TNRC18: variants seen among roughly 807,000 people sequenced by gnomAD.
TNRC18 encodes trinucleotide repeat containing 18, also known as trinucleotide repeat-containing gene 18 protein.
A neutral mutation model predicts 226.7 loss-of-function variants in TNRC18; 69 were observed. The ratio of observed to expected loss-of-function variants is 0.30; its 90% CI spans 0.25 to 0.37. The LOEUF is 0.37. TNRC18 is among the 10% of genes least tolerant of loss of function. The probability of loss-of-function intolerance (pLI) is 1.00; values close to 1 mark genes in which losing one functional copy is unlikely to be tolerated. For missense variants in TNRC18, 4,754 were observed against 4,256.6 expected (o/e 1.12, Z -3.25); for synonymous variants, 2,449 against 1,927.6 (o/e 1.27, Z -7.09).
chr7:5,421,595 TC>T (rs1463387688), intron 1 of TNRC18, 106 bp from the exon 2 acceptor site: 1 of 152,094 alleles, frequency 6.6e-6, no homozygotes, highest in African/African-American at 2.4e-5. Flanking sequence ...CCCTTCAGGA[TC>T]GGGGGGTGCC....
rs1265915731 is a variant in TNRC18 at position 5,306,997 on chromosome 7, T to G, written c.*1109A>C. On this transcript the variant is annotated 3_prime_UTR_variant, in exon 30 of 30. Coordinates refer to ENST00000430969, the MANE Select transcript of TNRC18 (RefSeq NM_001080495.3). ...AAGGCTTGGGGCCTGGTTAAGTGCT[T>G]TCTGGGGCCCAAGCAGGGACCCTGG... is the stretch of plus-strand genomic sequence containing the variant. 6.6e-6 allele frequency: 1 copy of G among 151,158 alleles called. No individual in the cohort carries two copies. The highest frequency in any genetic ancestry group is 2.1e-4 in the South Asian group (1 of 4,806). 9.4% of individuals were successfully genotyped at this position (151,158 alleles called of 1,614,324 possible).
Position 5,320,811 on chromosome 7 carries a change from C to A in TNRC18, c.6561-204G>T, listed in dbSNP as rs73673114. 80,790 of 622,176 alleles carry A rather than the reference C, an allele frequency of 0.13. 5,734 individuals are homozygous for A. The highest frequency in any genetic ancestry group is 0.18 in the African/African-American group (9,646 of 54,374). The allele number at this position is 622,176 out of a possible 1,614,324, so 38.5% of individuals were successfully genotyped here. A position where few individuals can be genotyped will look rare whatever the true frequency, so the allele number is the denominator to read the frequency against. The stretch of plus-strand genomic sequence containing the variant: ...AGGACTAGGGGTTGCAAGGCACAGT[C>A]CAGATCCTGAGAGAGGCCAGCACGC... On this transcript the variant is annotated intron_variant, in intron 22 of 29. Transcript: ENST00000430969.
Position 5,390,711 on chromosome 7 carries a change from A to G in TNRC18, c.344-83T>C, listed in dbSNP as rs1780230475. ...TCCTTCCAGCTCCTGGAAATAAACT[A>G]TTTTGGCAGCCGACCGCTGGTACAG... On this transcript the variant is annotated intron_variant, in intron 3 of 29. Transcript: ENST00000430969. 8.4e-6 allele frequency: 12 copies of G among 1,422,016 alleles called. No homozygotes were observed. The South Asian group carries it at 1.9e-4, about 23-fold the overall frequency. 88.1% of individuals were successfully genotyped at this position (1,422,016 alleles called of 1,614,324 possible).
At chr7:5,334,356 G>A (rs1389761297) in intron 18 of TNRC18, among the ~76,000 whole-genome samples, 1 of 151,968 alleles carries the variant, frequency 6.6e-6, no homozygotes, top group African/African-American at 2.4e-5. Flanking sequence ...GAGTGCAGTG[G>A]CGTGATCTCG....
chr7:5,396,493 C>T (rs1780701131), intron 2 of TNRC18, among the ~76,000 whole-genome samples: 1 of 152,194 alleles, frequency 6.6e-6, no homozygotes, highest in African/African-American at 2.4e-5. Flanking sequence ...TACAACACTG[C>T]ACTCCAATCC....
intron 18 of TNRC18, among the ~76,000 whole-genome samples, chr7:5,343,995 C>A (rs1287539810): frequency 6.6e-6 from 1 of 152,178 alleles, no homozygotes; most frequent in Non-Finnish European, 1.5e-5. Context: ...TCTAGCCAGA[C>A]TGGCCAAGAA....
At chr7:5,356,361 C>T (rs1792373607) in intron 16 of TNRC18, among the ~76,000 whole-genome samples, 2 of 152,154 alleles carry the variant, frequency 1.3e-5, no homozygotes, top group South Asian at 4.2e-4. Flanking sequence ...TCAGAGCTGC[C>T]ACAGACACAG....
Position 5,324,509 on chromosome 7 carries a change from C to G in TNRC18, c.6301-154G>C, listed in dbSNP as rs1361437310. Among the ~76,000 whole-genome samples the G allele has an allele frequency of 2.0e-5, 3 of 152,140 alleles. No homozygotes were observed. Among genetic ancestry groups the G allele is most frequent in the African/African-American group, 7.2e-5 (3 of 41,420 alleles). ...ATCCCAGTTAGGGGCACCCCAGAGGCCAGGGGGAAGGTGAAATGGGCCCAA... is the reference window on the plus strand; with the variant it reads ...ATCCCAGTTAGGGGCACCCCAGAGGGCAGGGGGAAGGTGAAATGGGCCCAA... On this transcript the variant is annotated intron_variant, in intron 20 of 29. Transcript: ENST00000430969. This position sits in a 1 kb window ranked among gnomAD's most constrained non-coding sequence, Gnocchi z 4.8.
chr7:5,406,800 G>A (rs541811744), intron 2 of TNRC18, among the ~76,000 whole-genome samples: 25 of 150,068 alleles, frequency 1.7e-4, no homozygotes, highest in African/African-American at 5.9e-4. Context: ...GCAGTGAGCC[G>A]AGATTGTACC....
chr7:5,400,069 C>A (rs140685336), intron 2 of TNRC18, among the ~76,000 whole-genome samples: 1 of 148,278 alleles, frequency 6.7e-6, no homozygotes, highest in Non-Finnish European at 1.5e-5. Context: ...TTTATTTTTT[C>A]TTTTTCGTAG....
chr7:5,331,587 G>A (rs1040498232), intron 19 of TNRC18, among the ~76,000 whole-genome samples: 4 of 152,148 alleles, frequency 2.6e-5, no homozygotes, highest in African/African-American at 9.7e-5. Context: ...GCACACAATA[G>A]TTACTCCAGG....
At chr7:5,395,650 C>A (rs146029967) in intron 2 of TNRC18, among the ~76,000 whole-genome samples, 1 of 152,352 alleles carries the variant, frequency 6.6e-6, no homozygotes, top group East Asian at 1.9e-4. Context: ...GATAAACATG[C>A]CTCCCTTCGG....
In TNRC18 at chr7:5,357,044, T is replaced by A. The variant is rs765675043; in HGVS notation, c.5066A>T (p.Lys1689Ile). 1 of 1,552,266 alleles carries A rather than the reference T, an allele frequency of 6.4e-7. No homozygotes were observed. Among genetic ancestry groups the A allele is most frequent in the Non-Finnish European group, 8.7e-7 (1 of 1,147,132 alleles). ...TTTGTGTTTACCTTCTCTGGAGGATTTCAGAGACAGGCCGAGGCCCTTGGC... is the reference window on the plus strand; with the variant it reads ...TTTGTGTTTACCTTCTCTGGAGGATATCAGAGACAGGCCGAGGCCCTTGGC... ...ALAKGLGLSL[K>I]SSREGKHKRA... Residue 1689 changes from lysine to isoleucine, a missense_variant, in exon 16 of 30, where the codon AAA (lysine) becomes ATA (isoleucine). By Grantham distance (102) the Lys-to-Ile change is moderately radical. Transcript: ENST00000430969.
chr7:5,311,063 T>A (rs1477832550), intron 27 of TNRC18, among the ~76,000 whole-genome samples: 7 of 152,260 alleles, frequency 4.6e-5, no homozygotes, highest in Non-Finnish European at 8.8e-5. Context: ...TGTAGTGTAT[T>A]TGCATATGTG....
chr7:5,417,174 AG>A (rs1347552415), intron 2 of TNRC18, among the ~76,000 whole-genome samples: 1 of 147,362 alleles, frequency 6.8e-6, no homozygotes, highest in Non-Finnish European at 1.5e-5. Flanking sequence ...AAAAATTTTA[AG>A]TAACAAAATC....
At chr7:5,399,624 T>G (rs928094062) in intron 2 of TNRC18, among the ~76,000 whole-genome samples, 5 of 151,688 alleles carry the variant, frequency 3.3e-5, no homozygotes, top group Non-Finnish European at 7.4e-5. Flanking sequence ...GGGAATTGCT[T>G]GAACCCAGGA....
chr7:5,375,420 AC>A (rs1419583544), intron 9 of TNRC18, among the ~76,000 whole-genome samples: 1 of 152,228 alleles, frequency 6.6e-6, no homozygotes, highest in African/African-American at 2.4e-5. Flanking sequence ...GGACTAGGCA[AC>A]GCTAGCATCT....
In TNRC18 at chr7:5,313,366, C is replaced by A. The variant is rs555208033; in HGVS notation, c.7525G>T (p.Gly2509Cys). The stretch of plus-strand genomic sequence containing the variant: ...CAGGGTGCCTTGGGCTCGCTGCTGC[C>A]GGCCGCGGGGGGATAGCTGCCCAGG... ...LSLGSYPPAA[G>C]SSEPKAPWPK... The change falls in exon 27 of 30, where the codon GGC becomes TGC. Residue 2509 changes from glycine to cysteine, a missense_variant. Transcript: ENST00000430969. 7 of 1,574,428 alleles carry A rather than the reference C, an allele frequency of 4.4e-6. No individual in the cohort carries two copies. The highest frequency in any genetic ancestry group is 6.0e-6 in the Non-Finnish European group (7 of 1,161,512).
chr7:5,325,026 C>T (rs1334328434), intron 20 of TNRC18, 70 bp downstream of exon 20: 1 of 1,492,714 alleles, frequency 6.7e-7, no homozygotes. Flanking sequence ...GCAGGTGGAG[C>T]CCCCTGCCCT....
Sources: gnomAD v4.1 joint callset for allele counts (sites outside exome capture counted in the v4.1 genomes callset) on GRCh38, gnomAD v4.1.1 for gene constraint, Gnocchi (gnomAD v3.1) non-coding constraint, MANE v1.5 for transcripts, NCBI Gene and HGNC (gene_info 2026-07-23, HGNC 2026-07-21) for gene names.